The following PDE7B variants were observed in gnomAD, a reference collection of about 807,000 sequenced individuals.
PDE7B encodes the protein 3',5'-cyclic-AMP phosphodiesterase 7B.
PDE7B carries 29 observed loss-of-function variants against 56.2 expected under a neutral mutation model. That is an observed-to-expected ratio of 0.52 (90% CI 0.38 to 0.70). PDE7B has a LOEUF of 0.70. Ranked by LOEUF, PDE7B falls within the 30% of genes least tolerant of loss-of-function variation. PDE7B has a pLI of 0.00. For missense variants in PDE7B, 490 were observed against 565.0 expected (o/e 0.87, Z 1.35); for synonymous variants, 197 against 196.9 (o/e 1.00, Z 0.00).
intron 3 of PDE7B, among the ~76,000 whole-genome samples, chr6:136,143,973 C>T (rs544019406): frequency 6.6e-6 from 1 of 151,922 alleles, no homozygotes; most frequent in Admixed American, 6.6e-5. Flanking sequence ...CTCTCAGCTA[C>T]ATAAGACATT....
chr6:135,934,877 ATATTTATTTAAATATATATTTAAAT>A (rs1562445136), intron 1 of PDE7B, among the ~76,000 whole-genome samples: 1 of 107,522 alleles, frequency 9.3e-6, no homozygotes, highest in African/African-American at 4.0e-5. Flanking sequence ...ATATATATAA[ATATTTATTTAAATATATATTTAAAT>A]ATATATAAAT....
At chr6:136,133,622 T>A (rs1480071104) in intron 3 of PDE7B, among the ~76,000 whole-genome samples, 2 of 152,176 alleles carry the variant, frequency 1.3e-5, no homozygotes, top group Non-Finnish European at 2.9e-5. Context: ...ATTCCTTCAT[T>A]CCTTCTTTCA....
chr6:136,115,650 C>G (rs921420679), intron 3 of PDE7B, among the ~76,000 whole-genome samples: 3 of 152,180 alleles, frequency 2.0e-5, no homozygotes, highest in Non-Finnish European at 4.4e-5. Context: ...TACTTTTTAT[C>G]TGAAGGATGA....
chr6:136,164,178 A>G (rs1393687146), intron 8 of PDE7B, among the ~76,000 whole-genome samples: 3 of 152,188 alleles, frequency 2.0e-5, no homozygotes, highest in Non-Finnish European at 4.4e-5. Flanking sequence ...AGGCCTCAGG[A>G]AACTTACCAT....
chr6:136,090,031 G>A (rs1285728532), intron 2 of PDE7B, among the ~76,000 whole-genome samples: 1 of 152,092 alleles, frequency 6.6e-6, no homozygotes, highest in Non-Finnish European at 1.5e-5. Context: ...TAGGCCCTCT[G>A]AGATACCGAA....
At chr6:135,935,200 A>ATT (rs1338113176) in intron 1 of PDE7B, among the ~76,000 whole-genome samples, 2 of 86,034 alleles carry the variant, frequency 2.3e-5, no homozygotes, top group African/African-American at 5.1e-5. Context: ...TTATATATAT[A>ATT]TATATATATA....
At chr6:136,138,588 T>C (rs964466823) in intron 3 of PDE7B, among the ~76,000 whole-genome samples, 2 of 152,168 alleles carry the variant, frequency 1.3e-5, no homozygotes, top group Non-Finnish European at 2.9e-5. Flanking sequence ...GTTAGCTTTA[T>C]GTATGTCCTC....
At chr6:135,889,896 G>A (rs1414947061) in intron 1 of PDE7B, among the ~76,000 whole-genome samples, 2 of 149,656 alleles carry the variant, frequency 1.3e-5, no homozygotes, top group African/African-American at 4.9e-5. Flanking sequence ...GGGATTACAG[G>A]CACCCACCAC....
chr6:135,860,318 A>G (rs565423990), intron 1 of PDE7B, among the ~76,000 whole-genome samples: 1 of 152,200 alleles, frequency 6.6e-6, no homozygotes, highest in East Asian at 1.9e-4. Context: ...AGAATGAGTT[A>G]GGAAACATTT....
At chr6:135,982,673 C>T (rs1775316484) in intron 2 of PDE7B, among the ~76,000 whole-genome samples, 1 of 152,058 alleles carries the variant, frequency 6.6e-6, no homozygotes, top group African/African-American at 2.4e-5. Context: ...GTTAATAAGC[C>T]CCCAGTTGAT....
intron 1 of PDE7B, among the ~76,000 whole-genome samples, chr6:135,932,155 C>T (rs1250450203): frequency 6.6e-6 from 1 of 151,888 alleles, no homozygotes; most frequent in Admixed American, 6.6e-5. Context: ...TTAACTTAGG[C>T]TCAAAAACAA....
intron 8 of PDE7B, among the ~76,000 whole-genome samples, chr6:136,172,507 T>G (rs576668084): frequency 3.8e-4 from 58 of 152,212 alleles, no homozygotes; most frequent in Admixed American, 1.8e-3. Context: ...TAAATTTGTT[T>G]GAGTTCATTG....
chr6:135,978,964 A>T (rs1775243724), intron 2 of PDE7B, among the ~76,000 whole-genome samples: 1 of 152,008 alleles, frequency 6.6e-6, no homozygotes, highest in Admixed American at 6.6e-5. Context: ...CCAGATTTCA[A>T]GGGAATGCTT....
chr6:136,172,357 G>T (rs1778902018), intron 8 of PDE7B, among the ~76,000 whole-genome samples: 1 of 152,156 alleles, frequency 6.6e-6, no homozygotes. Flanking sequence ...GTATCTCACT[G>T]TGGTTTTGAT....
intron 2 of PDE7B, among the ~76,000 whole-genome samples, chr6:136,084,885 A>G (rs924058913): frequency 1.3e-5 from 2 of 152,068 alleles, no homozygotes; most frequent in South Asian, 2.1e-4. Context: ...TTTCATTTCA[A>G]TTTCAAGGTG....
chr6:136,065,475 A>C (rs1208696186), intron 2 of PDE7B, among the ~76,000 whole-genome samples: 1 of 152,210 alleles, frequency 6.6e-6, no homozygotes, highest in African/African-American at 2.4e-5. Flanking sequence ...GTAGCCAGGG[A>C]GTGAGAAGGC....
intron 2 of PDE7B, among the ~76,000 whole-genome samples, chr6:136,016,364 T>C (rs538924653): frequency 6.6e-6 from 1 of 152,316 alleles, no homozygotes; most frequent in South Asian, 2.1e-4. Context: ...AGCAGACTGA[T>C]TGTGTGAAGT....
chr6:136,145,850 T>G (rs13437072), intron 3 of PDE7B, among the ~76,000 whole-genome samples: 4,718 of 152,228 alleles, frequency 0.031, 230 homozygotes, highest in African/African-American at 0.11. Context: ...CTATACTTAC[T>G]CCCTAGGTAA....
chr6:135,921,356 A>C (rs1774076408), intron 1 of PDE7B, among the ~76,000 whole-genome samples: 1 of 152,184 alleles, frequency 6.6e-6, no homozygotes, highest in South Asian at 2.1e-4. Flanking sequence ...AACAATAACG[A>C]TGAAAGAACC....
Sources: gnomAD v4.1 joint callset for allele counts (sites outside exome capture counted in the v4.1 genomes callset) on GRCh38, gnomAD v4.1.1 for gene constraint, MANE v1.5 for transcripts, NCBI Gene and HGNC (gene_info 2026-07-23, HGNC 2026-07-21) for gene names.